Variants in FDX2 observed in about 807,000 individuals in gnomAD.
FDX2 encodes the protein ferredoxin 2, also known as ferredoxin-2, mitochondrial.
A neutral mutation model predicts 18.5 loss-of-function variants in FDX2; 13 were observed. The ratio of observed to expected loss-of-function variants is 0.70; its 90% CI spans 0.46 to 1.12. The LOEUF is 1.12. Among genes scored for constraint, FDX2 ranks in the 50% most tolerant of loss-of-function variants. The pLI, the probability that FDX2 is intolerant of heterozygous loss-of-function variation, is 0.00. For missense variants in FDX2, 238 were observed against 250.4 expected, an observed-to-expected ratio of 0.95 and a Z score of 0.34; for synonymous variants, 132 against 106.2, an observed-to-expected ratio of 1.24 and a Z score of -1.49.
rs200429057 is a variant in FDX2 at position 10,310,452 on chromosome 19, G to A, written c.*34C>T. On this transcript the variant is annotated 3_prime_UTR_variant, in exon 5 of 5. Transcript: ENST00000393708. ...CTATTCCCTCAATCTGGGCCCTGGG[G>A]CCATGGCAATGTGGAATGGTCCAGG... is the stretch of plus-strand genomic sequence containing the variant. 6.2e-7 allele frequency: 1 copy of A among 1,613,774 alleles called. No individual in the cohort carries two copies. The highest frequency in any genetic ancestry group is 1.1e-5 in the South Asian group (1 of 91,066).
rs2040307396 is a variant in FDX2, at chr19:10,310,062, A to G, written c.*424T>C. ...CTCCACGCTAATTTTTACTGTTTTTATAGAGACGAGGTCTCGCCATGTTGC... is the reference window on the plus strand; with the variant it reads ...CTCCACGCTAATTTTTACTGTTTTTGTAGAGACGAGGTCTCGCCATGTTGC... On this transcript the variant is annotated 3_prime_UTR_variant, in exon 5 of 5. Transcript: ENST00000393708. 2.2e-5 allele frequency: 4 copies of G among 181,580 alleles called. No individual in the cohort carries two copies. Among genetic ancestry groups the G allele is most frequent in the Admixed American group, 2.2e-4 (4 of 18,358 alleles). 11.2% of individuals were successfully genotyped at this position (181,580 alleles called of 1,614,324 possible).
intron 3 of FDX2, among the ~76,000 whole-genome samples, chr19:10,312,198 T>C (rs997096876): frequency 8.7e-6 from 1 of 114,818 alleles, no homozygotes; most frequent in African/African-American, 3.2e-5. Context: ...TTTTTTTTTG[T>C]AGAGACGAGG....
At chr19:10,313,443 T>C (rs1214664488) in intron 3 of FDX2, among the ~76,000 whole-genome samples, 1 of 151,874 alleles carries the variant, frequency 6.6e-6, no homozygotes, top group East Asian at 1.9e-4. Context: ...TATTGCTGCC[T>C]GACGCGCAGT....
In FDX2 at chr19:10,310,445, C is replaced by A. The variant is rs769024027; in HGVS notation, c.*41G>T. On this transcript the variant is annotated 3_prime_UTR_variant, in exon 5 of 5. Transcript: ENST00000393708. Reference sequence around the variant, plus strand: ...CACCTGGCTATTCCCTCAATCTGGGCCCTGGGGCCATGGCAATGTGGAATG... The same window carrying A: ...CACCTGGCTATTCCCTCAATCTGGGACCTGGGGCCATGGCAATGTGGAATG... The A allele has an allele frequency of 8.6e-5, 138 of 1,613,086 alleles. No homozygotes were observed. Among genetic ancestry groups the A allele is most frequent in the Non-Finnish European group, 1.1e-4 (135 of 1,179,366 alleles).
At chr19:10,315,671 A>G (rs1599294723) in intron 2 of FDX2, 34 bp downstream of exon 2, 12 of 1,543,220 alleles carry the variant, frequency 7.8e-6, no homozygotes, top group East Asian at 4.9e-5. Context: ...ATTCCGTGGG[A>G]TGAGGAATGG....
intron 3 of FDX2, among the ~76,000 whole-genome samples, chr19:10,313,446 C>A (rs778481380): frequency 6.6e-6 from 1 of 151,676 alleles, no homozygotes; most frequent in African/African-American, 2.4e-5. Flanking sequence ...TGCTGCCTGA[C>A]GCGCAGTAGG....
chr19:10,316,014 T>A lies in FDX2; in HGVS notation c.-9A>T, dbSNP rs2040382649. 6.3e-7 allele frequency: 1 copy of A among 1,593,092 alleles called. No individual in the cohort carries two copies. Among genetic ancestry groups the A allele is most frequent in the Non-Finnish European group, 8.5e-7 (1 of 1,174,860 alleles). ...GCGGCCATGACATGCATCACGTGAC[T>A]CACCGACTGAGCATGCGCCGCGCCA... is the stretch of plus-strand genomic sequence containing the variant. On this transcript the variant is annotated 5_prime_UTR_variant, in exon 1 of 5. Coordinates refer to ENST00000393708, the MANE Select transcript of FDX2 (RefSeq NM_001031734.4).
chr19:10,313,587 G>A (rs753101990), intron 3 of FDX2, among the ~76,000 whole-genome samples: 1 of 136,758 alleles, frequency 7.3e-6, no homozygotes, highest in Non-Finnish European at 1.5e-5. Context: ...GGGAATAACA[G>A]TCTCTACTAC....
At position 10,310,489 on chromosome 19, in the gene FDX2, G is replaced by A. The variant is rs906304110; in HGVS notation, c.558C>T (p.His186=). The A allele has an allele frequency of 6.2e-7, 1 of 1,614,072 alleles. No homozygotes were observed. The highest frequency in any genetic ancestry group is 8.5e-7 in the Non-Finnish European group (1 of 1,180,038). The stretch of plus-strand genomic sequence containing the variant: ...TGGAATGGTCCAGGTGTTCATGTCA[G>A]TGGGGCTTGGGGACATGGCCATCCA... The change falls in exon 5 of 5, where the codon CAC becomes CAT. Residue 186 remains histidine (H), a synonymous_variant. Coordinates refer to ENST00000393708, the MANE Select transcript of FDX2 (RefSeq NM_001031734.4).
chr19:10,310,688 G>A, intron 4 of FDX2, 46 bp from the exon 5 acceptor site: 1 of 1,578,968 alleles, frequency 6.3e-7, no homozygotes, highest in Non-Finnish European at 8.7e-7. Context: ...AAGCTAGCTG[G>A]GTGGGTGGGG....
intron 3 of FDX2, among the ~76,000 whole-genome samples, chr19:10,311,597 T>A (rs940804197): frequency 2.6e-5 from 4 of 151,548 alleles, no homozygotes; most frequent in African/African-American, 9.7e-5. Context: ...AGCTGGGGTT[T>A]CACCATGTTA....
chr19:10,311,946 A>G (rs1045133625), intron 3 of FDX2, among the ~76,000 whole-genome samples: 5 of 139,662 alleles, frequency 3.6e-5, no homozygotes, highest in Non-Finnish European at 6.2e-5. Context: ...TCTCGGCTCA[A>G]TGCAACCTCT....
At position 10,310,427 on chromosome 19, in the gene FDX2, C is replaced by G; in HGVS notation, c.*59G>C. On this transcript the variant is annotated 3_prime_UTR_variant, in exon 5 of 5. Coordinates refer to ENST00000393708, the MANE Select transcript of FDX2 (RefSeq NM_001031734.4). ...CACTCTGGGCAGGGCTGGCACCTGGCTATTCCCTCAATCTGGGCCCTGGGG... is the reference window on the plus strand; with the variant it reads ...CACTCTGGGCAGGGCTGGCACCTGGGTATTCCCTCAATCTGGGCCCTGGGG... 1.2e-6 allele frequency: 2 copies of G among 1,609,652 alleles called. No individual in the cohort carries two copies. The highest frequency in any genetic ancestry group is 2.2e-5 in the East Asian group (1 of 44,770).
At chr19:10,315,664 C>T (rs2040374952) in intron 2 of FDX2, 41 bp downstream of exon 2, 1 of 1,541,714 alleles carries the variant, frequency 6.5e-7, no homozygotes. Context: ...CAGAGGAATT[C>T]CGTGGGATGA....
chr19:10,315,322 T>TG (rs1555710842), intron 3 of FDX2, 64 bp downstream of exon 3: 12 of 818,296 alleles, frequency 1.5e-5, no homozygotes, highest in Admixed American at 1.3e-4. Context: ...TTTGTGGGTT[T>TG]TTTTTTTTTT....
Position 10,310,396 on chromosome 19 carries a change from T to G in FDX2, c.*90A>C. On this transcript the variant is annotated 3_prime_UTR_variant, in exon 5 of 5. Coordinates refer to ENST00000393708, the MANE Select transcript of FDX2 (RefSeq NM_001031734.4). ...GGGGCTTCCACGTCTCTCCCGGGCC[T>G]GTCCGCACTCTGGGCAGGGCTGGCA... 6.4e-7 allele frequency: 1 copy of G among 1,558,280 alleles called. No individual in the cohort carries two copies. Among genetic ancestry groups the G allele is most frequent in the Non-Finnish European group, 8.8e-7 (1 of 1,139,608 alleles).
chr19:10,311,213 C>G (rs1329177017), intron 3 of FDX2, among the ~76,000 whole-genome samples: 1 of 152,108 alleles, frequency 6.6e-6, no homozygotes, highest in Non-Finnish European at 1.5e-5. Flanking sequence ...CATTAAGGAG[C>G]AGGGACTTGG....
chr19:10,313,323 T>C (rs1268782834), intron 3 of FDX2, among the ~76,000 whole-genome samples: 2 of 152,130 alleles, frequency 1.3e-5, no homozygotes, highest in Non-Finnish European at 2.9e-5. Context: ...ATATATTTTC[T>C]TCCAGACAAC....
rs528077204 is a variant in FDX2, at chr19:10,310,284, C to T, written c.*202G>A. 2.1e-4 allele frequency: 139 copies of T among 664,970 alleles called. No homozygotes were observed. In the African/African-American group the frequency reaches 2.3e-3, roughly 11 times the overall value. The allele number at this position is 664,970 out of a possible 1,614,324, so 41.2% of individuals were successfully genotyped here. On this transcript the variant is annotated 3_prime_UTR_variant, in exon 5 of 5. Transcript: ENST00000393708. ...TACTCAAACCCTGATTCTCAGGGGC[C>T]TGGGGAAGGCCACCCCACTAGGGGC...
Sources: gnomAD v4.1 joint callset for allele counts (sites outside exome capture counted in the v4.1 genomes callset) on GRCh38, gnomAD v4.1.1 for gene constraint, MANE v1.5 for transcripts, NCBI Gene and HGNC (gene_info 2026-07-23, HGNC 2026-07-21) for gene names.